DDB1: variants seen among roughly 807,000 people sequenced by gnomAD.
The protein encoded by DDB1 is DNA damage-binding protein 1.
DDB1 carries 18 observed loss-of-function variants against 133.1 expected under a neutral mutation model. The observed-to-expected ratio is 0.14, with a 90% CI of 0.09 to 0.20. The LOEUF is 0.20. Among genes scored for constraint, DDB1 ranks in the 10% least tolerant of loss-of-function variants. The probability of loss-of-function intolerance (pLI) is 1.00; values close to 1 mark genes in which losing one functional copy is unlikely to be tolerated. For synonymous variants in DDB1, 580 were observed against 550.5 expected (o/e 1.05, Z -0.75); for missense variants, 828 against 1,459.2 (o/e 0.57, Z 7.05).
At chr11:61,325,150 A>G (rs1173882260) in intron 6 of DDB1, among the ~76,000 whole-genome samples, 1 of 146,782 alleles carries the variant, frequency 6.8e-6, no homozygotes, top group East Asian at 1.9e-4. Flanking sequence ...CTCCGTCTCA[A>G]AAAAAAAAAA....
In DDB1 at chr11:61,299,780, CAT is replaced by C. The variant is rs796799077; in HGVS notation, c.*354_*355del. The C allele has an allele frequency of 1.9e-3, 669 of 348,506 alleles. 1 individual carries two copies. The highest frequency in any genetic ancestry group is 0.011 in the African/African-American group (501 of 47,176). 21.6% of individuals were successfully genotyped at this position (348,506 alleles called of 1,614,324 possible). On this transcript the variant is annotated 3_prime_UTR_variant, in exon 27 of 27. Coordinates refer to ENST00000301764, the MANE Select transcript of DDB1 (RefSeq NM_001923.5). Reference sequence around the variant, plus strand: ...GGACAATGCATGAGTGTGAGATACACATACACACACACACATACACACACACA... The same window carrying C: ...GGACAATGCATGAGTGTGAGATACACACACACACACACATACACACACACA...
chr11:61,331,544 T>C lies in DDB1; in HGVS notation c.209A>G (p.Lys70Arg), dbSNP rs745467542. 3.7e-6 allele frequency: 6 copies of C among 1,613,908 alleles called. No homozygotes were observed. Among genetic ancestry groups the C allele is most frequent in the Non-Finnish European group, 5.1e-6 (6 of 1,179,806 alleles). ...GCTTGTCCCAACTGCAACACTTACC[T>C]TGGGCCTGAAAAGCTCCATGACCGC... The part of the protein sequence containing the change: ...KIAVMELFRP[K>R]GESKDLLFIL... Residue 70 changes from lysine (K) to arginine (R), a missense_variant and splice_region_variant, in exon 2 of 27, where the codon AAG becomes AGG. Physicochemically the swap from Lys to Arg is conservative, Grantham distance 26. Coordinates refer to ENST00000301764, the MANE Select transcript of DDB1 (RefSeq NM_001923.5).
chr11:61,299,845 C>G lies in DDB1; in HGVS notation c.*291G>C, dbSNP rs1199944822. The G allele has an allele frequency of 2.1e-6, 1 of 485,490 alleles. No homozygotes were observed. The highest frequency in any genetic ancestry group is 3.8e-6 in the Non-Finnish European group (1 of 263,872). 30.1% of individuals were successfully genotyped at this position (485,490 alleles called of 1,614,324 possible). The stretch of plus-strand genomic sequence containing the variant: ...CCTTTCAGCCAAAGAACTGCAAAAT[C>G]CTTCCCCGGAAGGAGGACAACTGGC... On this transcript the variant is annotated 3_prime_UTR_variant, in exon 27 of 27. Transcript: ENST00000301764.
Position 61,303,162 on chromosome 11 carries a change from A to G in DDB1, c.2833-7T>C, listed in dbSNP as rs768533601. On this transcript the variant is annotated splice_polypyrimidine_tract_variant and splice_region_variant and intron_variant, in intron 22 of 26. Transcript: ENST00000301764. ...GATTAAAGTCTCGAGCAATCTTAAA[A>G]CAGACAAGGTGAAAGAAGAAAGCAT... The G allele has an allele frequency of 1.2e-5, 19 of 1,612,814 alleles. No individual in the cohort carries two copies. Among genetic ancestry groups the G allele is most frequent in the Non-Finnish European group, 1.6e-5 (19 of 1,178,908 alleles).
chr11:61,308,896 C>A (rs1855916297), intron 21 of DDB1, 87 bp downstream of exon 21: 2 of 1,271,290 alleles, frequency 1.6e-6, no homozygotes, highest in South Asian at 2.4e-5. Flanking sequence ...ATCTGACACA[C>A]ACGTGGCCCC....
chr11:61,316,030 A>G (rs1465271517), intron 12 of DDB1: 11 of 373,990 alleles, frequency 2.9e-5, no homozygotes, highest in Non-Finnish European at 5.3e-5. Context: ...TTATATATAT[A>G]ATGACCCGAG....
At chr11:61,308,865 C>T (rs1409502217) in intron 21 of DDB1, 118 bp downstream of exon 21, 4 of 985,520 alleles carry the variant, frequency 4.1e-6, no homozygotes, top group Admixed American at 1.9e-5. Context: ...CCTCCACACC[C>T]GCTACTTTGT....
At chr11:61,329,193 C>A (rs1297402417) in intron 4 of DDB1, 170 bp downstream of exon 4, 1 of 627,576 alleles carries the variant, frequency 1.6e-6, no homozygotes, top group African/African-American at 1.8e-5. Context: ...CTACTGCACT[C>A]AAGAAGCAAC....
At position 61,330,047 on chromosome 11, in the gene DDB1, A is replaced by G; in HGVS notation, c.238T>C (p.Leu80=). 6.2e-7 allele frequency: 1 copy of G among 1,613,806 alleles called. No homozygotes were observed. The highest frequency in any genetic ancestry group is 8.5e-7 in the Non-Finnish European group (1 of 1,179,716). The stretch of plus-strand genomic sequence containing the variant: ...ATGCAGGCATTGTACTTCGCTGTCA[A>G]GATAAACAGCAGGTCCTTGCTCTCC... ...KGESKDLLFI[L]TAKYNACILE... Residue 80 remains leucine, a synonymous_variant, in exon 3 of 27, where the codon TTG becomes CTG. Coordinates refer to ENST00000301764, the MANE Select transcript of DDB1 (RefSeq NM_001923.5).
At chr11:61,322,143 C>A in intron 9 of DDB1, 153 bp downstream of exon 9, 1 of 687,810 alleles carries the variant, frequency 1.5e-6, no homozygotes, top group East Asian at 2.5e-5. Flanking sequence ...GATAGGCACT[C>A]AATAAACAGT....
At chr11:61,311,499 C>T (rs1042107752) in intron 18 of DDB1, 3 of 339,802 alleles carry the variant, frequency 8.8e-6, no homozygotes, top group Non-Finnish European at 1.6e-5. Flanking sequence ...CTCCAAACCC[C>T]ATGTTCCTCC....
At chr11:61,314,823 C>CTTTTTTTT (rs549452269) in intron 12 of DDB1, 3 of 81,158 alleles carry the variant, frequency 3.7e-5, no homozygotes, top group Non-Finnish European at 6.8e-5. Context: ...AGTTTTTTGG[C>CTTTTTTTT]TTTTTTTTTT....
At position 61,311,801 on chromosome 11, in the gene DDB1, G is replaced by A. The variant is rs756300337; in HGVS notation, c.2260C>T (p.Pro754Ser). 9 of 1,613,296 alleles carry A rather than the reference G, an allele frequency of 5.6e-6. No homozygotes were observed. Among genetic ancestry groups the A allele is most frequent in the Admixed American group, 1.7e-5 (1 of 59,738 alleles). ...DTSGGTTALR[P>S]SASTQALSSS... ...GCCCTTACCTGGGTGCTAGCGCTGGGCCTCAAGGCTGTCGTGCCCCCACTC... is the reference window on the plus strand; with the variant it reads ...GCCCTTACCTGGGTGCTAGCGCTGGACCTCAAGGCTGTCGTGCCCCCACTC... Residue 754 changes from proline to serine, a missense_variant, in exon 18 of 27, where the codon CCC becomes TCC. By Grantham distance (74) the Pro-to-Ser change is moderately conservative. Coordinates refer to ENST00000301764, the MANE Select transcript of DDB1 (RefSeq NM_001923.5).
intron 2 of DDB1, among the ~76,000 whole-genome samples, chr11:61,331,057 T>A (rs1241188958): frequency 6.6e-6 from 1 of 152,162 alleles, no homozygotes; most frequent in Non-Finnish European, 1.5e-5. Context: ...ATCTGAAAGG[T>A]GCCTTAAGTG....
In DDB1 at chr11:61,314,108, G is replaced by T. The variant is rs1439615484; in HGVS notation, c.1692C>A (p.Ile564=). The change falls in exon 14 of 27, where the codon ATC becomes ATA. Residue 564 remains isoleucine (I), a synonymous_variant. Coordinates refer to ENST00000301764, the MANE Select transcript of DDB1 (RefSeq NM_001923.5). ...AGGGCAACTTCAAGATACGAGCCGA[G>T]ATGTCCGTCCAGAGGCCAATGGCAC... is the stretch of plus-strand genomic sequence containing the variant. ...PLCAIGLWTD[I]SARILKLPSF... 6.2e-7 allele frequency: 1 copy of T among 1,614,168 alleles called. No individual in the cohort carries two copies. Among genetic ancestry groups the T allele is most frequent in the South Asian group, 1.1e-5 (1 of 91,078 alleles).
rs190923023 is a variant in DDB1, at chr11:61,328,661, A to G, written c.549+702T>C. ...GCCGAGGCAGGCGGATCATGAGGTC[A>G]TGAGTTTGAGACGATTCTGGCCAAC... is the stretch of plus-strand genomic sequence containing the variant. On this transcript the variant is annotated intron_variant, in intron 4 of 26. Transcript: ENST00000301764. Among the ~76,000 whole-genome samples, 13 of 152,340 alleles carry G rather than the reference A, an allele frequency of 8.5e-5. No homozygotes were observed. The East Asian group carries it at 2.3e-3, about 27-fold the overall frequency.
At chr11:61,311,736 T>C (rs1855974092) in intron 18 of DDB1, 48 bp downstream of exon 18, 2 of 1,547,082 alleles carry the variant, frequency 1.3e-6, no homozygotes, top group South Asian at 1.2e-5. Context: ...TACAGAAAGC[T>C]TGCTGGCCCC....
intron 26 of DDB1, 70 bp from the exon 27 acceptor site, chr11:61,300,289 C>T (rs1855771950): frequency 6.1e-6 from 9 of 1,484,530 alleles, no homozygotes; most frequent in African/African-American, 1.4e-5. Flanking sequence ...GAAGGGAATG[C>T]CCCCAGTGAA....
chr11:61,308,029 G>A (rs1331565569), intron 21 of DDB1, among the ~76,000 whole-genome samples: 2 of 152,112 alleles, frequency 1.3e-5, no homozygotes. Flanking sequence ...CTCCCCTACA[G>A]TCTTTCCAGA....
Sources: gnomAD v4.1 joint callset for allele counts (sites outside exome capture counted in the v4.1 genomes callset) on GRCh38, gnomAD v4.1.1 for gene constraint, MANE v1.5 for transcripts, NCBI Gene and HGNC (gene_info 2026-07-23, HGNC 2026-07-21) for gene names.